The following ENPP2 variants were observed in gnomAD, a reference collection of about 807,000 sequenced individuals.
The protein encoded by ENPP2 is ectonucleotide pyrophosphatase/phosphodiesterase 2.
Under a neutral mutation model 120.2 loss-of-function variants are expected in ENPP2, and 51 were observed. The ratio of observed to expected loss-of-function variants is 0.42; its 90% CI spans 0.34 to 0.54. ENPP2 has a LOEUF of 0.54. Ranked by LOEUF, ENPP2 falls within the 20% of genes least tolerant of loss-of-function variation. The probability of loss-of-function intolerance (pLI) is 0.04; values close to 1 mark genes in which losing one functional copy is unlikely to be tolerated. For synonymous variants in ENPP2, 365 were observed against 366.4 expected (o/e 1.00, Z 0.04); for missense variants, 920 against 1,066.5 (o/e 0.86, Z 1.91).
intron 22 of ENPP2, among the ~76,000 whole-genome samples, chr8:119,565,543 T>C (rs1229355701): frequency 6.6e-6 from 1 of 152,246 alleles, no homozygotes; most frequent in Non-Finnish European, 1.5e-5. Flanking sequence ...TCATAATCAA[T>C]GGCTCTGGCA....
At chr8:119,660,125 G>A (rs1003328194) in intron 1 of ENPP2, among the ~76,000 whole-genome samples, 2 of 152,196 alleles carry the variant, frequency 1.3e-5, no homozygotes, top group African/African-American at 4.8e-5. Flanking sequence ...AAACTTCCTA[G>A]TGGAGATGTT....
At chr8:119,570,940 C>A in intron 19 of ENPP2, 99 bp from the exon 20 acceptor site, 1 of 711,656 alleles carries the variant, frequency 1.4e-6, no homozygotes, top group Non-Finnish European at 2.2e-6. Context: ...AAATGGCTAG[C>A]TTACTTATTA....
chr8:119,673,167 C>T, intron 1 of ENPP2: 3 of 1,234,304 alleles, frequency 2.4e-6, no homozygotes, highest in Non-Finnish European at 2.3e-6. Flanking sequence ...AGGCCCTTTG[C>T]AAGGTTTTTC....
chr8:119,666,901 G>A (rs560371389), intron 1 of ENPP2, among the ~76,000 whole-genome samples: 82 of 152,234 alleles, frequency 5.4e-4, no homozygotes, highest in African/African-American at 1.9e-3. Context: ...CACAGGAAAT[G>A]GCATAAGTAA....
intron 3 of ENPP2, among the ~76,000 whole-genome samples, chr8:119,625,405 G>A (rs940374250): frequency 3.9e-5 from 6 of 152,150 alleles, no homozygotes; most frequent in African/African-American, 1.2e-4. Flanking sequence ...CTTATTGCAG[G>A]GACGCAGGAG....
chr8:119,589,638 T>C (rs1014625691), intron 13 of ENPP2, among the ~76,000 whole-genome samples: 31 of 152,242 alleles, frequency 2.0e-4, no homozygotes, highest in African/African-American at 7.2e-4. Flanking sequence ...ACATTTTGTT[T>C]ATTTCACAAC....
chr8:119,652,318 G>C (rs763507245), intron 1 of ENPP2, among the ~76,000 whole-genome samples: 4 of 152,066 alleles, frequency 2.6e-5, no homozygotes, highest in Non-Finnish European at 4.4e-5. Context: ...TGGGAGTTAG[G>C]ATTTCAACGT....
intron 1 of ENPP2, among the ~76,000 whole-genome samples, chr8:119,661,855 C>G (rs896678901): frequency 6.6e-6 from 1 of 152,080 alleles, no homozygotes; most frequent in Non-Finnish European, 1.5e-5. Context: ...AGAATGACAG[C>G]CTGTCATTTG....
intron 1 of ENPP2, among the ~76,000 whole-genome samples, chr8:119,660,350 G>T (rs954816417): frequency 3.9e-5 from 6 of 152,332 alleles, no homozygotes; most frequent in African/African-American, 1.4e-4. Flanking sequence ...ATCATTATCT[G>T]TAATTCATAG....
At chr8:119,655,882 G>C (rs1817754796) in intron 1 of ENPP2, among the ~76,000 whole-genome samples, 1 of 152,176 alleles carries the variant, frequency 6.6e-6, no homozygotes, top group Non-Finnish European at 1.5e-5. Flanking sequence ...GGGACATTTA[G>C]TTTTATTACT....
At chr8:119,616,173 C>T (rs542857428) in intron 8 of ENPP2, 92 bp downstream of exon 8, 41 of 1,185,404 alleles carry the variant, frequency 3.5e-5, no homozygotes, top group South Asian at 1.9e-4. Flanking sequence ...GGAAATTATA[C>T]GCATTTTTTC....
intron 2 of ENPP2, among the ~76,000 whole-genome samples, chr8:119,627,121 T>A (rs142371353): frequency 6.6e-6 from 1 of 152,112 alleles, no homozygotes; most frequent in Non-Finnish European, 1.5e-5. Flanking sequence ...AGTACCTTGA[T>A]CTATATCCTT....
chr8:119,612,977 T>C (rs1453339684), intron 8 of ENPP2, among the ~76,000 whole-genome samples: 1 of 152,220 alleles, frequency 6.6e-6, no homozygotes, highest in Non-Finnish European at 1.5e-5. Context: ...TCAGGAGACT[T>C]GGATCATGAT....
chr8:119,571,890 T>C (rs1815019101), intron 19 of ENPP2: 2 of 269,554 alleles, frequency 7.4e-6, no homozygotes, highest in South Asian at 2.3e-4. Context: ...CTTCGTAGAA[T>C]ACTTTGCAAG....
intron 24 of ENPP2, 30 bp downstream of exon 24, chr8:119,562,827 A>T: frequency 1.9e-6 from 3 of 1,603,610 alleles, no homozygotes; most frequent in South Asian, 2.2e-5. Context: ...TATGGAAGCA[A>T]ATCCTAAAGG....
chr8:119,650,907 CAG>C (rs1402470827), intron 1 of ENPP2, among the ~76,000 whole-genome samples: 4 of 151,834 alleles, frequency 2.6e-5, no homozygotes, highest in Non-Finnish European at 5.9e-5. Context: ...AAACTGTAAA[CAG>C]AGTTTGTGGG....
At chr8:119,641,463 G>A (rs983365196), upstream of ENPP2, among the ~76,000 whole-genome samples, 1 of 152,194 alleles carries the variant, frequency 6.6e-6, no homozygotes, top group Non-Finnish European at 1.5e-5. Flanking sequence ...TTTGTAATAA[G>A]GACACATGTG....
chr8:119,600,488 A>T (rs929856655), intron 11 of ENPP2, among the ~76,000 whole-genome samples, 190 bp downstream of exon 11: 1 of 152,240 alleles, frequency 6.6e-6, no homozygotes, highest in African/African-American at 2.4e-5. Context: ...ATCTGAAATG[A>T]AGCTCCTGTA....
chr8:119,652,073 G>A (rs1458810515), intron 1 of ENPP2, among the ~76,000 whole-genome samples: 3 of 152,148 alleles, frequency 2.0e-5, no homozygotes, highest in Non-Finnish European at 4.4e-5. Context: ...TAACATAAAT[G>A]TATTTTTCAT....
Sources: allele counts gnomAD v4.1 joint callset (sites outside exome capture counted in the v4.1 genomes callset), GRCh38; gene constraint gnomAD v4.1.1; transcripts MANE v1.5; gene names NCBI Gene and HGNC (gene_info 2026-07-23, HGNC 2026-07-21).